The following SLC25A21 variants were observed in gnomAD, a reference collection of about 807,000 sequenced individuals.
The protein encoded by SLC25A21 is solute carrier family 25 member 21, also known as mitochondrial 2-oxodicarboxylate carrier.
SLC25A21 carries 47 observed loss-of-function variants against 43.8 expected under a neutral mutation model. The ratio of observed to expected loss-of-function variants is 1.07; its 90% confidence interval spans 0.85 to 1.37. The LOEUF is 1.37. Among genes scored for constraint, SLC25A21 ranks in the 40% most tolerant of loss-of-function variants. SLC25A21 has a pLI of 0.00. For synonymous variants in SLC25A21, 131 were observed against 121.3 expected, an observed-to-expected ratio of 1.08 and a Z score of -0.52; for missense variants, 352 against 350.2, an observed-to-expected ratio of 1.00 and a Z score of -0.04.
chr14:36,679,834 A>ATC lies in SLC25A21; in HGVS notation c.*823_*824insGA. The stretch of plus-strand genomic sequence containing the variant: ...TTCCAATTTGTGATTTAACATGACA[A>ATC]TATCTCATCAACAAAACTTATCTTC... On this transcript the variant is annotated 3_prime_UTR_variant, in exon 10 of 10. Transcript: ENST00000331299. 2.0e-6 allele frequency: 2 copies of ATC among 984,084 alleles called. No homozygotes were observed. Among genetic ancestry groups the ATC allele is most frequent in the Middle Eastern group, 5.2e-4 (1 of 1,914 alleles). 61.0% of individuals were successfully genotyped at this position (984,084 alleles called of 1,614,324 possible).
At chr14:36,900,198 T>C (rs757686850) in intron 1 of SLC25A21, among the ~76,000 whole-genome samples, 3 of 152,062 alleles carry the variant, frequency 2.0e-5, no homozygotes, top group Non-Finnish European at 2.9e-5. Flanking sequence ...GTCATCTTTA[T>C]GATGCAAGAG....
At chr14:36,729,398 C>T (rs920170046) in intron 5 of SLC25A21, 109 bp downstream of exon 5, 40 of 838,514 alleles carry the variant, frequency 4.8e-5, no homozygotes, top group Non-Finnish European at 6.4e-5. Context: ...CTGAATAACT[C>T]GAATTCATAT....
chr14:36,779,219 A>G (rs946210944), intron 3 of SLC25A21, among the ~76,000 whole-genome samples: 25 of 146,672 alleles, frequency 1.7e-4, no homozygotes, highest in Admixed American at 1.4e-4. Flanking sequence ...CATATATTAC[A>G]TATTCTTATA....
intron 1 of SLC25A21, among the ~76,000 whole-genome samples, chr14:37,132,786 T>A (rs748702431): frequency 6.6e-6 from 1 of 151,788 alleles, no homozygotes; most frequent in Admixed American, 6.6e-5. Flanking sequence ...CTGGAGTTCA[T>A]TGGCACAAAC....
rs148174697 is a variant in SLC25A21, at chr14:37,121,329, A to T, written c.70+50952T>A. On this transcript the variant is annotated intron_variant, in intron 1 of 9. Transcript: ENST00000331299. The stretch of plus-strand genomic sequence containing the variant: ...CCCTGAGATAAATTGTGTGAACATG[A>T]GTTCAATTAATTTAATACTCCTAAT... 6.2e-3 allele frequency among the ~76,000 whole-genome samples: 951 copies of T among 152,296 alleles called. 9 individuals carry two copies. The highest frequency in any genetic ancestry group is 0.02 in the African/African-American group (817 of 41,548).
chr14:36,940,344 T>TA (rs1229987212), intron 1 of SLC25A21, among the ~76,000 whole-genome samples: 1 of 152,014 alleles, frequency 6.6e-6, no homozygotes, highest in African/African-American at 2.4e-5. Context: ...CTCTAAGATT[T>TA]AAAAAAATAT....
At chr14:37,004,838 A>G (rs1051334345) in intron 1 of SLC25A21, among the ~76,000 whole-genome samples, 4 of 151,906 alleles carry the variant, frequency 2.6e-5, no homozygotes, top group Non-Finnish European at 4.4e-5. Flanking sequence ...CCAATCTCAT[A>G]GCTATTGCTG....
At chr14:36,760,422 GA>G (rs1378840908) in intron 3 of SLC25A21, among the ~76,000 whole-genome samples, 1 of 151,996 alleles carries the variant, frequency 6.6e-6, no homozygotes, top group Non-Finnish European at 1.5e-5. Flanking sequence ...CTCTGGAGTA[GA>G]GAGATAGTAA....
intron 3 of SLC25A21, among the ~76,000 whole-genome samples, chr14:36,764,194 G>GAGAAAGAAAGAAAGAAAGAAAGAA (rs1566588428): frequency 1.1e-5 from 1 of 92,184 alleles, no homozygotes; most frequent in Admixed American, 1.0e-4. Context: ...GAAAGAAAGA[G>GAGAAAGAAAGAAAGAAAGAAAGAA]AAAGAAAGAA....
Position 36,937,172 on chromosome 14 carries a change from G to A in SLC25A21, c.71-62168C>T, listed in dbSNP as rs1322543698. 2.0e-5 allele frequency among the ~76,000 whole-genome samples: 3 copies of A among 152,288 alleles called. No individual in the cohort carries two copies. The South Asian group carries it at 6.2e-4, about 32-fold the overall frequency. ...AGCAACTGCTGTGTCTAACTAAGCCGGGCGATGCTGAAGGCACGTTGCCCC... is the reference window on the plus strand; with the variant it reads ...AGCAACTGCTGTGTCTAACTAAGCCAGGCGATGCTGAAGGCACGTTGCCCC... On this transcript the variant is annotated intron_variant, in intron 1 of 9. Transcript: ENST00000331299.
At chr14:36,728,079 C>A (rs1251796107) in intron 5 of SLC25A21, among the ~76,000 whole-genome samples, 2 of 152,180 alleles carry the variant, frequency 1.3e-5, no homozygotes, top group African/African-American at 4.8e-5. Context: ...GATCATGTTA[C>A]GTAGGTTGTT....
chr14:36,880,509 A>C lies in SLC25A21; in HGVS notation c.71-5505T>G, dbSNP rs113197689. Among the ~76,000 whole-genome samples the C allele has an allele frequency of 3.6e-3, 548 of 152,290 alleles. 2 individuals carry two copies. Among genetic ancestry groups the C allele is most frequent in the African/African-American group, 0.012 (502 of 41,570 alleles). On this transcript the variant is annotated intron_variant, in intron 1 of 9. Transcript: ENST00000331299. ...TTATCTAGAAGCTCCACGAGGACAG[A>C]GACTCCATCTGCCCTCTTCATGTTT... is the stretch of plus-strand genomic sequence containing the variant.
rs1208117260 is a variant in SLC25A21, at chr14:36,919,611, TTATCTATCTACCTATC to T, written c.71-44623_71-44608del. 5.3e-3 allele frequency among the ~76,000 whole-genome samples: 672 copies of T among 125,920 alleles called. 5 individuals are homozygous for T. Among genetic ancestry groups the T allele is most frequent in the South Asian group, 0.017 (67 of 3,992 alleles). 82.6% of individuals were successfully genotyped at this position (125,920 alleles called of 152,430 possible). The stretch of plus-strand genomic sequence containing the variant: ...ATCTAAAGACTTGAAAAATTCAAGA[TTATCTATCTACCTATC>T]TATCTATCTATCTATCTATCTATCT... On this transcript the variant is annotated intron_variant, in intron 1 of 9. Coordinates refer to ENST00000331299, the MANE Select transcript of SLC25A21 (RefSeq NM_030631.4).
chr14:37,125,892 A>G (rs1566899384), intron 1 of SLC25A21, among the ~76,000 whole-genome samples: 1 of 152,208 alleles, frequency 6.6e-6, no homozygotes, highest in Non-Finnish European at 1.5e-5. Context: ...GGTACGTAGC[A>G]ATTCAAAAGA....
At chr14:37,102,096 A>G (rs1316332600) in intron 1 of SLC25A21, among the ~76,000 whole-genome samples, 2 of 152,216 alleles carry the variant, frequency 1.3e-5, no homozygotes, top group African/African-American at 4.8e-5. Flanking sequence ...TATTATATGT[A>G]TAAGTTAACA....
intron 4 of SLC25A21, among the ~76,000 whole-genome samples, chr14:36,732,762 T>G (rs942754449): frequency 1.3e-5 from 2 of 152,200 alleles, no homozygotes; most frequent in African/African-American, 4.8e-5. Context: ...TCACAAATCC[T>G]AAGATAAATA....
chr14:36,997,700 G>A (rs904061593), intron 1 of SLC25A21, among the ~76,000 whole-genome samples: 26 of 151,618 alleles, frequency 1.7e-4, no homozygotes, highest in African/African-American at 6.3e-4. Context: ...ATAGTGGCAG[G>A]TGCCTGTAAT....
At chr14:37,029,757 ACTT>A (rs1961168763) in intron 1 of SLC25A21, among the ~76,000 whole-genome samples, 1 of 130,826 alleles carries the variant, frequency 7.6e-6, no homozygotes, top group South Asian at 2.3e-4. Context: ...CTAATAGCCG[ACTT>A]TTTTTTTTTT....
chr14:36,867,864 C>G (rs1382231893), intron 2 of SLC25A21, among the ~76,000 whole-genome samples: 1 of 151,766 alleles, frequency 6.6e-6, no homozygotes, highest in South Asian at 2.1e-4. Flanking sequence ...GCCATTATTG[C>G]TCCTATTTAA....
Sources: gnomAD v4.1 joint callset for allele counts (sites outside exome capture counted in the v4.1 genomes callset) on GRCh38, gnomAD v4.1.1 for gene constraint, MANE v1.5 for transcripts, NCBI Gene and HGNC (gene_info 2026-07-23, HGNC 2026-07-21) for gene names.